The following USP39 variants were observed in gnomAD, a reference collection of about 807,000 sequenced individuals.
The protein encoded by USP39 is ubiquitin specific peptidase 39.
USP39 carries 38 observed loss-of-function variants against 66.4 expected under a neutral mutation model. The ratio of observed to expected loss-of-function variants is 0.57; its 90% CI spans 0.44 to 0.75. The LOEUF (loss-of-function observed/expected upper bound fraction) is 0.75. Among genes scored for constraint, USP39 ranks in the 30% least tolerant of loss-of-function variants. USP39 has a pLI of 0.00. For missense variants in USP39, 608 were observed against 714.4 expected (o/e 0.85, Z 1.70); for synonymous variants, 303 against 274.6 (o/e 1.10, Z -1.02).
At chr2:85,609,342 TG>T, upstream of USP39, 1 of 1,517,876 alleles carries the variant, frequency 6.6e-7, no homozygotes. Context: ...CGCTTCCCAT[TG>T]GGGGTCCTGA....
rs370841381 is a variant in USP39 at position 85,648,920 on chromosome 2, C to G, written c.*112C>G. ...TGGTGGGCTTCCTAGGCCAGCCCAG[C>G]TTGTATGGGTTCTGGCTACACCAGA... is the stretch of plus-strand genomic sequence containing the variant. On this transcript the variant is annotated 3_prime_UTR_variant, in exon 13 of 13. Coordinates refer to ENST00000323701, the MANE Select transcript of USP39 (RefSeq NM_006590.4). The G allele has an allele frequency of 7.8e-7, 1 of 1,274,444 alleles. No individual in the cohort carries two copies. The highest frequency in any genetic ancestry group is 1.1e-6 in the Non-Finnish European group (1 of 887,186). The allele number at this position is 1,274,444 out of a possible 1,614,324, so 78.9% of individuals were successfully genotyped here. A position where few individuals can be genotyped will look rare whatever the true frequency, so the allele number is the denominator to read the frequency against.
At chr2:85,607,283 C>T (rs142977298), upstream of USP39, 47 of 152,282 alleles carry the variant, frequency 3.1e-4, no homozygotes, top group African/African-American at 1.1e-3. Flanking sequence ...GTTCTCTGAC[C>T]AGGAAGAACA....
upstream of USP39, chr2:85,609,702 G>C: frequency 1.5e-6 from 2 of 1,364,822 alleles, no homozygotes; most frequent in Non-Finnish European, 2.0e-6. Context: ...TTTTTTTTGA[G>C]ACGAAGTCTC....
intron 8 of USP39, among the ~76,000 whole-genome samples, chr2:85,639,002 G>A (rs1676018541): frequency 6.6e-6 from 1 of 152,106 alleles, no homozygotes; most frequent in South Asian, 2.1e-4. Flanking sequence ...TGGTATATAA[G>A]CAAAATATCT....
At chr2:85,612,103 G>T (rs1673592316), upstream of USP39, 4 of 970,714 alleles carry the variant, frequency 4.1e-6, no homozygotes, top group Middle Eastern at 3.1e-4. Context: ...CTTCCGGTCT[G>T]GGAGGCCCCG....
At chr2:85,609,096 G>A (rs781679335), upstream of USP39, 1 of 1,610,336 alleles carries the variant, frequency 6.2e-7, no homozygotes, top group South Asian at 1.1e-5. Context: ...AGAAGGCTCA[G>A]GGCCTGGCCT....
intron 5 of USP39, among the ~76,000 whole-genome samples, chr2:85,627,269 G>A (rs1240630464): frequency 6.6e-6 from 1 of 150,932 alleles, no homozygotes; most frequent in Non-Finnish European, 1.5e-5. Context: ...GCTAATTTTT[G>A]TATTTTTAGT....
intron 11 of USP39, among the ~76,000 whole-genome samples, chr2:85,645,622 C>T (rs747356944): frequency 1.3e-5 from 2 of 151,978 alleles, no homozygotes; most frequent in Non-Finnish European, 2.9e-5. Flanking sequence ...CACACCAGGC[C>T]GGTTATAATA....
intron 1 of USP39, among the ~76,000 whole-genome samples, 154 bp from the exon 2 acceptor site, chr2:85,619,066 C>G (rs1290790733): frequency 6.6e-6 from 1 of 152,138 alleles, no homozygotes; most frequent in Non-Finnish European, 1.5e-5. Flanking sequence ...CTACCGCGCC[C>G]GGCTAGTGGA....
At chr2:85,631,071 A>G (rs1306900065) in intron 6 of USP39, 125 bp downstream of exon 6, 10 of 857,748 alleles carry the variant, frequency 1.2e-5, no homozygotes, top group South Asian at 1.7e-5. Context: ...CTGGAGTACA[A>G]TGGCATGGTC....
chr2:85,622,559 T>C (rs1674544860), intron 3 of USP39, among the ~76,000 whole-genome samples: 1 of 151,254 alleles, frequency 6.6e-6, no homozygotes, highest in Non-Finnish European at 1.5e-5. Context: ...GCTGTCTGGC[T>C]AATTATTTTA....
At chr2:85,625,412 G>T (rs1674778752) in intron 4 of USP39, 127 bp from the exon 5 acceptor site, 1 of 1,231,148 alleles carries the variant, frequency 8.1e-7, no homozygotes, top group Non-Finnish European at 1.1e-6. Context: ...TACTGGTTCG[G>T]ACTATTTTTC....
Position 85,623,650 on chromosome 2 carries a change from G to GAA in USP39, c.438_439insAA (p.Gly147LysfsTer3). On this transcript the variant is annotated frameshift_variant, in exon 4 of 13. Coordinates refer to ENST00000323701, the MANE Select transcript of USP39 (RefSeq NM_006590.4). LOFTEE classifies it high-confidence loss of function. The stretch of plus-strand genomic sequence containing the variant: ...GCTTTTCACCCTTCCCTACAGGCCG[G>GAA]GGTTTGAAGTCTCACGCCTACATTC... The GAA allele has an allele frequency of 6.2e-7, 1 of 1,612,530 alleles. No individual in the cohort carries two copies. Among genetic ancestry groups the GAA allele is most frequent in the Non-Finnish European group, 8.5e-7 (1 of 1,179,428 alleles).
chr2:85,607,130 A>G (rs1033807337), upstream of USP39: 2 of 152,170 alleles, frequency 1.3e-5, no homozygotes, highest in African/African-American at 2.4e-5. Flanking sequence ...GAATTGTGTA[A>G]TAAAACCAGG....
At chr2:85,642,633 A>G (rs1339774332) in intron 10 of USP39, among the ~76,000 whole-genome samples, 1 of 152,252 alleles carries the variant, frequency 6.6e-6, no homozygotes, top group Non-Finnish European at 1.5e-5. Context: ...TTTAGAGAAC[A>G]TCAAATTGTG....
At chr2:85,614,978 C>CAGTGT (rs1558843958), upstream of USP39, among the ~76,000 whole-genome samples, 1 of 119,626 alleles carries the variant, frequency 8.4e-6, no homozygotes, top group Non-Finnish European at 1.6e-5. Context: ...AAATTGCACA[C>CAGTGT]AGTGTGGTGT....
At chr2:85,614,479 A>C (rs138939442), upstream of USP39, among the ~76,000 whole-genome samples, 417 of 152,254 alleles carry the variant, frequency 2.7e-3, 4 homozygotes, top group African/African-American at 9.7e-3. Flanking sequence ...TCACCAATGC[A>C]CTCCAACCTG....
In USP39 at chr2:85,645,044, G is replaced by T; in HGVS notation, c.1524G>T (p.Lys508Asn). 6.2e-7 allele frequency: 1 copy of T among 1,614,132 alleles called. No homozygotes were observed. Among genetic ancestry groups the T allele is most frequent in the Non-Finnish European group, 8.5e-7 (1 of 1,180,030 alleles). The change falls in exon 11 of 13, where the codon AAG becomes AAT. Residue 508 changes from lysine to asparagine, a missense_variant. Lys to Asn is a moderately conservative substitution (Grantham distance 94). Around this residue, in one of 6 missense-constraint regions of USP39, gnomAD observed 164 missense variants for 250.3 expected, o/e 0.66. Coordinates refer to ENST00000323701, the MANE Select transcript of USP39 (RefSeq NM_006590.4). ...TTGCCAACATCGTGCATGACGGCAA[G>T]CCCTCCGAGGGCTCCTACCGGATCC... ...DLIANIVHDG[K>N]PSEGSYRIHV...
intron 1 of USP39, among the ~76,000 whole-genome samples, chr2:85,605,785 A>G (rs776668845): frequency 1.3e-5 from 2 of 152,204 alleles, no homozygotes; most frequent in African/African-American, 2.4e-5. Context: ...GGTTCCTCCC[A>G]CCTGGATGGG....
Sources: gnomAD v4.1 joint callset for allele counts (sites outside exome capture counted in the v4.1 genomes callset) on GRCh38, gnomAD v4.1.1 for gene constraint, gnomAD v4.1.1 regional missense constraint, MANE v1.5 for transcripts, NCBI Gene and HGNC (gene_info 2026-07-23, HGNC 2026-07-21) for gene names.